The following DNAH7 variants were observed in gnomAD, a reference collection of about 807,000 sequenced individuals.
The protein encoded by DNAH7 is axonemal beta dynein heavy chain 7.
DNAH7 carries 397 observed loss-of-function variants against 444.6 expected under a neutral mutation model. The ratio of observed to expected loss-of-function variants is 0.89; its 90% confidence interval spans 0.82 to 0.97. The LOEUF is 0.97. Ranked by LOEUF, DNAH7 falls within the 50% of genes least tolerant of loss-of-function variation. The probability of loss-of-function intolerance (pLI) is 0.00; values close to 1 mark genes in which losing one functional copy is unlikely to be tolerated. For synonymous variants in DNAH7, 1,636 were observed against 1,624.4 expected, an observed-to-expected ratio of 1.01 and a Z score of -0.17; for missense variants, 4,902 against 4,800.8, an observed-to-expected ratio of 1.02 and a Z score of -0.62.
Position 195,895,104 on chromosome 2 carries a change from C to T in DNAH7, c.4768G>A (p.Glu1590Lys), listed in dbSNP as rs200943729. ...MNLQMTAFFS[E>K]KILQVYEMMI... is the part of the protein sequence containing the mutation. ...ATTTCATATACTTGAAGAATCTTCT[C>T]GGAAAAGAATGCAGTCATTTGCAAA... The change falls in exon 30 of 65, where the codon GAG (glutamate) becomes AAG (lysine). Residue 1590 changes from glutamate to lysine, a missense_variant. By Grantham distance (56) the Glu-to-Lys change is moderately conservative. Transcript: ENST00000312428. The T allele has an allele frequency of 2.8e-4, 449 of 1,613,664 alleles. No individual in the cohort carries two copies. The highest frequency in any genetic ancestry group is 1.0e-3 in the Admixed American group (62 of 60,012).
Position 195,906,774 on chromosome 2 carries a change from C to T in DNAH7, c.4220G>A (p.Gly1407Asp). 3 of 1,613,256 alleles carry T rather than the reference C, an allele frequency of 1.9e-6. No homozygotes were observed. Among genetic ancestry groups the T allele is most frequent in the South Asian group, 1.1e-5 (1 of 91,032 alleles). ...TCCTTCAAACATCAGTATATCAGCA[C>T]CTGCATTAATACCTGTAGGTAATCA... The part of the protein sequence containing the change: ...ILTIQRGINA[G>D]ADILMFEGTE... Residue 1407 changes from glycine to aspartate, a missense_variant, in exon 27 of 65, where the codon GGT becomes GAT. Gly to Asp is a moderately conservative substitution (Grantham distance 94). Coordinates refer to ENST00000312428, the MANE Select transcript of DNAH7 (RefSeq NM_018897.3).
chr2:195,860,115 T>C (rs913676335), intron 42 of DNAH7, among the ~76,000 whole-genome samples: 2 of 152,132 alleles, frequency 1.3e-5, no homozygotes, highest in South Asian at 2.1e-4. Flanking sequence ...ATAAGAATAT[T>C]TGAAAATACC....
intron 46 of DNAH7, 35 bp downstream of exon 46, chr2:195,853,308 A>C: frequency 6.3e-7 from 1 of 1,576,774 alleles, no homozygotes; most frequent in Non-Finnish European, 8.6e-7. Context: ...TGTGATGGGC[A>C]GAGGGTCAGG....
Position 195,864,487 on chromosome 2 carries a change from C to T in DNAH7, c.7168G>A (p.Gly2390Ser), listed in dbSNP as rs534365923. Residue 2390 changes from glycine to serine, a missense_variant, in exon 41 of 65, where the codon GGT (glycine) becomes AGT (serine). Coordinates refer to ENST00000312428, the MANE Select transcript of DNAH7 (RefSeq NM_018897.3). Reference sequence around the variant, plus strand: ...AACAGGAAGACACCCTGCATCTCACCTTCCGCACATTTCCTTAAGATCACT... The same window carrying T: ...AACAGGAAGACACCCTGCATCTCACTTTCCGCACATTTCCTTAAGATCACT... Reference protein sequence around the residue: ...LKVILRKCAEGEMQGVFLFTD... With the variant: ...LKVILRKCAESEMQGVFLFTD... 6.2e-7 allele frequency: 1 copy of T among 1,614,186 alleles called. No individual in the cohort carries two copies. Among genetic ancestry groups the T allele is most frequent in the East Asian group, 2.2e-5 (1 of 44,884 alleles).
intron 63 of DNAH7, among the ~76,000 whole-genome samples, chr2:195,744,603 C>T (rs980690458): frequency 6.6e-6 from 1 of 152,210 alleles, no homozygotes; most frequent in Non-Finnish European, 1.5e-5. Flanking sequence ...GGAGGCATCC[C>T]CCAGTAGGGG....
At chr2:195,881,729 G>A (rs1701390960) in intron 36 of DNAH7, 66 bp downstream of exon 36, 1 of 1,458,240 alleles carries the variant, frequency 6.9e-7, no homozygotes, top group African/African-American at 1.4e-5. Flanking sequence ...TTATTTGTCT[G>A]CTATTTCAAA....
chr2:195,771,718 A>T lies in DNAH7; in HGVS notation c.11375T>A (p.Phe3792Tyr). The T allele has an allele frequency of 6.2e-7, 1 of 1,614,200 alleles. No individual in the cohort carries two copies. The change falls in exon 61 of 65, where the codon TTC becomes TAC. Residue 3792 changes from phenylalanine to tyrosine, a missense_variant. Phe to Tyr is a conservative substitution (Grantham distance 22, BLOSUM62 3). Transcript: ENST00000312428. The part of the protein sequence containing the change: ...NTVLVQEMGR[F>Y]NKLLKTIRDS... Reference sequence around the variant, plus strand: ...TCTTATGGTCTTCAGTAACTTATTGAACCGTCCCATCTCTTGGACAAGTAC... The same window carrying T: ...TCTTATGGTCTTCAGTAACTTATTGTACCGTCCCATCTCTTGGACAAGTAC...
At chr2:195,991,187 C>A (rs150669308) in intron 12 of DNAH7, among the ~76,000 whole-genome samples, 2 of 151,874 alleles carry the variant, frequency 1.3e-5, no homozygotes, top group South Asian at 4.1e-4. Context: ...GCATACAACA[C>A]AAAGCTAAAC....
chr2:195,850,223 C>T (rs1484881401), intron 46 of DNAH7, among the ~76,000 whole-genome samples: 1 of 150,772 alleles, frequency 6.6e-6, no homozygotes, highest in African/African-American at 2.5e-5. Context: ...AAATTCAAGC[C>T]AATGGCCTTG....
Position 196,026,801 on chromosome 2 carries a change from T to G in DNAH7, c.626A>C (p.Glu209Ala). Residue 209 changes from glutamate (E) to alanine (A), a missense_variant, in exon 7 of 65, where the codon GAA (glutamate) becomes GCA (alanine). Coordinates refer to ENST00000312428, the MANE Select transcript of DNAH7 (RefSeq NM_018897.3). ...ACTAAGAAGATAATCCTCTCTCATT[T>G]CATCAGATAATGTAACTATGCTGTC... is the stretch of plus-strand genomic sequence containing the variant. ...FTDSIVTLSD[E>A]MREDYLLSVR... 6 of 1,612,452 alleles carry G rather than the reference T, an allele frequency of 3.7e-6. No homozygotes were observed. The highest frequency in any genetic ancestry group is 5.1e-6 in the Non-Finnish European group (6 of 1,178,910).
intron 19 of DNAH7, among the ~76,000 whole-genome samples, chr2:195,949,785 T>C (rs1409030833): frequency 6.6e-6 from 1 of 152,194 alleles, no homozygotes; most frequent in Non-Finnish European, 1.5e-5. Context: ...CATAAATACC[T>C]AGTTTATTGA....
In DNAH7 at chr2:195,808,764, A is replaced by C; in HGVS notation, c.10001T>G (p.Leu3334Ter). The stretch of plus-strand genomic sequence containing the variant: ...GGTTTTGAAGGCAGGCAAATCATCT[A>C]ATCGACATATTTCATCCCAGGATTT... ...PQKSWDEICR[L>*]DDLPAFKTIR... The change falls in exon 53 of 65, where the codon TTA (leucine) becomes TGA (stop). Residue 3334 changes from leucine (L) to a stop codon, truncating the protein, a stop_gained. Coordinates refer to ENST00000312428, the MANE Select transcript of DNAH7 (RefSeq NM_018897.3). LOFTEE classifies it high-confidence loss of function. 1.2e-6 allele frequency: 2 copies of C among 1,614,056 alleles called. No individual in the cohort carries two copies. Among genetic ancestry groups the C allele is most frequent in the Non-Finnish European group, 1.7e-6 (2 of 1,179,950 alleles).
chr2:195,960,439 C>A lies in DNAH7; in HGVS notation c.2712G>T (p.Ala904=), dbSNP rs554616778. ...CCCACTCAGTAATCATCTTCTCCAT[C>A]GCCTTTTCAAGAGAATATTCTTTGC... The part of the protein sequence containing the change: ...AASKEYSLEK[A]MEKMITEWDA... Residue 904 remains alanine, a synonymous_variant, in exon 18 of 65, where the codon GCG becomes GCT. Coordinates refer to ENST00000312428, the MANE Select transcript of DNAH7 (RefSeq NM_018897.3). 2 of 1,614,194 alleles carry A rather than the reference C, an allele frequency of 1.2e-6. No homozygotes were observed. The highest frequency in any genetic ancestry group is 1.7e-5 in the Admixed American group (1 of 60,016).
At chr2:195,779,496 G>C (rs1695268862) in intron 58 of DNAH7, among the ~76,000 whole-genome samples, 1 of 151,590 alleles carries the variant, frequency 6.6e-6, no homozygotes, top group Admixed American at 6.6e-5. Flanking sequence ...ATTTTAATTT[G>C]CATTTCTAGA....
intron 40 of DNAH7, 62 bp from the exon 41 acceptor site, chr2:195,865,083 A>C (rs1356907683): frequency 6.8e-7 from 1 of 1,474,882 alleles, no homozygotes; most frequent in Non-Finnish European, 9.0e-7. Flanking sequence ...AAGTGTTATT[A>C]TATCTGTGCT....
chr2:196,043,650 G>A (rs746596086), intron 5 of DNAH7, among the ~76,000 whole-genome samples: 3 of 151,522 alleles, frequency 2.0e-5, no homozygotes, highest in East Asian at 1.9e-4. Context: ...GAATAAATTC[G>A]CAAACTATGC....
At chr2:195,846,024 A>AGTTT (rs1698971580) in intron 46 of DNAH7, among the ~76,000 whole-genome samples, 1 of 152,244 alleles carries the variant, frequency 6.6e-6, no homozygotes, top group East Asian at 1.9e-4. Context: ...TAATTAAACT[A>AGTTT]AAGAGCTTAT....
chr2:195,744,847 C>G (rs1693291445), intron 63 of DNAH7, among the ~76,000 whole-genome samples: 1 of 152,156 alleles, frequency 6.6e-6, no homozygotes, highest in Non-Finnish European at 1.5e-5. Flanking sequence ...CACCAAAAAC[C>G]CATCTGTACA....
At chr2:195,738,843 G>A (rs1692813715) in intron 64 of DNAH7, among the ~76,000 whole-genome samples, 1 of 152,172 alleles carries the variant, frequency 6.6e-6, no homozygotes, top group Admixed American at 6.5e-5. Context: ...GGACTTGACA[G>A]CCCCAATGTT....
Sources: allele counts gnomAD v4.1 joint callset (sites outside exome capture counted in the v4.1 genomes callset), GRCh38; gene constraint gnomAD v4.1.1; transcripts MANE v1.5; gene names NCBI Gene and HGNC (gene_info 2026-07-23, HGNC 2026-07-21).